Variants in RALYL observed in about 807,000 individuals in gnomAD.
The protein encoded by RALYL is RNA-binding Raly-like protein.
A neutral mutation model predicts 35.1 loss-of-function variants in RALYL; 29 were observed. The ratio of observed to expected loss-of-function variants is 0.83; its 90% CI spans 0.61 to 1.13. The LOEUF is 1.13. Ranked by LOEUF, RALYL falls within the 50% of genes most tolerant of loss-of-function variation. RALYL has a pLI of 0.00. For synonymous variants in RALYL, 120 were observed against 127.6 expected (o/e 0.94, Z 0.40); for missense variants, 359 against 360.4 (o/e 1.00, Z 0.03).
chr8:84,663,004 C>A (rs1420398412), intron 2 of RALYL, among the ~76,000 whole-genome samples: 2 of 152,006 alleles, frequency 1.3e-5, no homozygotes, highest in Non-Finnish European at 2.9e-5. Flanking sequence ...CCTCAACAGG[C>A]TCAAGTGTGG....
intron 2 of RALYL, among the ~76,000 whole-genome samples, chr8:84,718,563 A>G (rs1843315663): frequency 1.3e-5 from 2 of 152,070 alleles, no homozygotes; most frequent in Non-Finnish European, 2.9e-5. Flanking sequence ...CAGGAGTCCA[A>G]AACCAGACTG....
chr8:84,689,375 A>G (rs1251642189), intron 2 of RALYL, among the ~76,000 whole-genome samples: 1 of 152,088 alleles, frequency 6.6e-6, no homozygotes, highest in African/African-American at 2.4e-5. Flanking sequence ...GATGATTTCC[A>G]ATTTCATCCA....
At chr8:84,793,490 G>A (rs1369294861) in intron 3 of RALYL, among the ~76,000 whole-genome samples, 2 of 152,156 alleles carry the variant, frequency 1.3e-5, no homozygotes, top group South Asian at 2.1e-4. Context: ...TGAATCCATC[G>A]GGTTTGGTGT....
At chr8:84,878,344 C>G (rs1383255696) in intron 7 of RALYL, among the ~76,000 whole-genome samples, 1 of 152,134 alleles carries the variant, frequency 6.6e-6, no homozygotes, top group East Asian at 1.9e-4. Context: ...CTAGAAGAGT[C>G]TTCAGTTGAG....
At chr8:84,710,500 C>A (rs1489008463) in intron 2 of RALYL, among the ~76,000 whole-genome samples, 1 of 151,326 alleles carries the variant, frequency 6.6e-6, no homozygotes, top group East Asian at 1.9e-4. Context: ...TAGGGTTTCA[C>A]CATGTTGCCC....
At chr8:84,273,955 T>A (rs895700150) in intron 1 of RALYL, among the ~76,000 whole-genome samples, 10 of 152,322 alleles carry the variant, frequency 6.6e-5, no homozygotes, top group African/African-American at 2.4e-4. Context: ...ATATAAAACA[T>A]GTATTTTATG....
At chr8:84,256,932 A>C (rs1586589787) in intron 1 of RALYL, among the ~76,000 whole-genome samples, 1 of 152,074 alleles carries the variant, frequency 6.6e-6, no homozygotes, top group South Asian at 2.1e-4. Context: ...CTATTTTATT[A>C]TTTTGAGGAT....
At chr8:84,225,270 A>T (rs10101796) in intron 1 of RALYL, among the ~76,000 whole-genome samples, 60,430 of 152,056 alleles carry the variant, frequency 0.4, 12,136 homozygotes, top group Non-Finnish European at 0.43. Context: ...AGCTTAGATT[A>T]GTTGAAATAG....
chr8:84,441,156 A>G (rs1209053967), intron 1 of RALYL, among the ~76,000 whole-genome samples: 1 of 152,114 alleles, frequency 6.6e-6, no homozygotes, highest in Non-Finnish European at 1.5e-5. Context: ...CTTTAAACTA[A>G]CTTGGAATTA....
chr8:84,486,653 T>A (rs914633541), intron 1 of RALYL, among the ~76,000 whole-genome samples: 1 of 151,992 alleles, frequency 6.6e-6, no homozygotes, highest in African/African-American at 2.4e-5. Context: ...CAGCTAAATT[T>A]GAAAGAGATG....
chr8:84,286,658 T>C (rs1388675552), intron 1 of RALYL, among the ~76,000 whole-genome samples: 1 of 152,160 alleles, frequency 6.6e-6, no homozygotes, highest in East Asian at 1.9e-4. Flanking sequence ...GGAGACTATA[T>C]ATTGGTATGA....
intron 1 of RALYL, among the ~76,000 whole-genome samples, chr8:84,278,266 C>T (rs111298436): frequency 6.6e-6 from 1 of 152,234 alleles, no homozygotes; most frequent in Non-Finnish European, 1.5e-5. Flanking sequence ...AGCTGTACAT[C>T]GGCCCCTTTT....
intron 2 of RALYL, among the ~76,000 whole-genome samples, chr8:84,693,059 T>G (rs1160943144): frequency 6.6e-6 from 1 of 151,990 alleles, no homozygotes; most frequent in South Asian, 2.1e-4. Context: ...TCAGAGTAAA[T>G]TTGTGTGGTT....
intron 1 of RALYL, among the ~76,000 whole-genome samples, chr8:84,319,524 C>T (rs1279768922): frequency 2.6e-5 from 4 of 151,944 alleles, no homozygotes; most frequent in Admixed American, 2.6e-4. Flanking sequence ...GATATTCAGA[C>T]AGAGGAAGGC....
intron 4 of RALYL, among the ~76,000 whole-genome samples, chr8:84,806,480 T>A (rs910568712): frequency 9.9e-5 from 15 of 152,066 alleles, no homozygotes; most frequent in African/African-American, 3.4e-4. Context: ...CATACTTCTG[T>A]TTTAAAAGGC....
At chr8:84,431,376 G>A (rs770759249) in intron 1 of RALYL, among the ~76,000 whole-genome samples, 2 of 151,726 alleles carry the variant, frequency 1.3e-5, no homozygotes, top group Non-Finnish European at 2.9e-5. Flanking sequence ...TTCGTTCATG[G>A]CCAACAGGTC....
chr8:84,804,362 G>A (rs944837807), intron 3 of RALYL, among the ~76,000 whole-genome samples: 7 of 152,114 alleles, frequency 4.6e-5, no homozygotes, highest in African/African-American at 1.7e-4. Flanking sequence ...GAGTAAATCA[G>A]TTATTCAACT....
At chr8:84,543,488 A>G (rs1164022570) in intron 2 of RALYL, among the ~76,000 whole-genome samples, 1 of 138,550 alleles carries the variant, frequency 7.2e-6, no homozygotes, top group Admixed American at 7.4e-5. Flanking sequence ...CCAAAAATCT[A>G]TGGAAATAAA....
At chr8:84,687,686 T>C (rs980477451) in intron 2 of RALYL, among the ~76,000 whole-genome samples, 1 of 152,108 alleles carries the variant, frequency 6.6e-6, no homozygotes, top group Non-Finnish European at 1.5e-5. Context: ...CACTGAATTT[T>C]TTAGGGTTCT....
Sources: gnomAD v4.1 joint callset for allele counts (sites outside exome capture counted in the v4.1 genomes callset) on GRCh38, gnomAD v4.1.1 for gene constraint, MANE v1.5 for transcripts, NCBI Gene and HGNC (gene_info 2026-07-23, HGNC 2026-07-21) for gene names.